The following C6orf58 variants were observed in gnomAD, a reference collection of about 807,000 sequenced individuals.
C6orf58 encodes protein LEG1 homolog.
C6orf58 carries 30 observed loss-of-function variants against 37.0 expected under a neutral mutation model. The ratio of observed to expected loss-of-function variants is 0.81; its 90% CI spans 0.61 to 1.10. The LOEUF is 1.10. Ranked by LOEUF, C6orf58 falls within the 50% of genes least tolerant of loss-of-function variation. The pLI is 0.00. For missense variants in C6orf58, 368 were observed against 387.5 expected (o/e 0.95, Z 0.42); for synonymous variants, 143 against 134.1 (o/e 1.07, Z -0.46).
chr6:127,578,011 C>T (rs1337463878), intron 1 of C6orf58, among the ~76,000 whole-genome samples: 1 of 152,058 alleles, frequency 6.6e-6, no homozygotes, highest in Non-Finnish European at 1.5e-5. Context: ...ATAAAATATA[C>T]ATGAATTGAA....
At chr6:127,580,123 TG>T in intron 2 of C6orf58, 141 bp from the exon 3 acceptor site, 1 of 575,402 alleles carries the variant, frequency 1.7e-6, no homozygotes, top group Non-Finnish European at 3.0e-6. Context: ...GGGGGATTTT[TG>T]TTCAATATTT....
Position 127,591,558 on chromosome 6 carries a change from A to G in C6orf58, c.929A>G (p.Glu310Gly). The G allele has an allele frequency of 6.6e-7, 1 of 1,522,574 alleles. No homozygotes were observed. The highest frequency in any genetic ancestry group is 8.7e-7 in the Non-Finnish European group (1 of 1,143,850). The allele number at this position is 1,522,574 out of a possible 1,614,324, so 94.3% of individuals were successfully genotyped here. A position where few individuals can be genotyped will look rare whatever the true frequency, so the allele number is the denominator to read the frequency against. ...TCTTTTACAGGTTATCTTTGTACAG[A>G]AAAATCTAATGTATATAGAGATCAT... is the stretch of plus-strand genomic sequence containing the variant. ...VDKSIGYLCTEKSNVYRDHSE... is the reference protein window; with the variant it reads ...VDKSIGYLCTGKSNVYRDHSE... The change falls in exon 6 of 6, where the codon GAA becomes GGA. Residue 310 changes from glutamate to glycine, a missense_variant. Physicochemically the swap from Glu to Gly is moderately conservative, Grantham distance 98. Coordinates refer to ENST00000329722, the MANE Select transcript of C6orf58 (RefSeq NM_001010905.3).
At chr6:127,579,201 A>T (rs1358185731) in intron 2 of C6orf58, among the ~76,000 whole-genome samples, 1 of 152,142 alleles carries the variant, frequency 6.6e-6, no homozygotes, top group Admixed American at 6.6e-5. Context: ...TACCTACTGC[A>T]ATTCATTATA....
chr6:127,579,036 C>T (rs1382940144), intron 2 of C6orf58, among the ~76,000 whole-genome samples: 1 of 152,048 alleles, frequency 6.6e-6, no homozygotes, highest in African/African-American at 2.4e-5. Context: ...TCTGAGGGGC[C>T]AGCTCTGGTA....
chr6:127,591,542 G>T lies in C6orf58; in HGVS notation c.914-1G>T, dbSNP rs754408555. 1 of 1,519,250 alleles carries T rather than the reference G, an allele frequency of 6.6e-7. No individual in the cohort carries two copies. The highest frequency in any genetic ancestry group is 8.8e-7 in the Non-Finnish European group (1 of 1,142,200). The allele number at this position is 1,519,250 out of a possible 1,614,324, so 94.1% of individuals were successfully genotyped here. A position where few individuals can be genotyped will look rare whatever the true frequency, so the allele number is the denominator to read the frequency against. On this transcript the variant is annotated splice_acceptor_variant, in intron 5 of 5. Transcript: ENST00000329722. LOFTEE classifies it high-confidence loss of function. The stretch of plus-strand genomic sequence containing the variant: ...ATGTAATCATTTTGTATCTTTTACA[G>T]GTTATCTTTGTACAGAAAAATCTAA...
intron 2 of C6orf58, 30 bp from the exon 3 acceptor site, chr6:127,580,235 G>A: frequency 6.5e-7 from 1 of 1,536,178 alleles, no homozygotes; most frequent in Non-Finnish European, 9.0e-7. Context: ...GTTAGTGCTT[G>A]TAGTAATAGT....
intron 4 of C6orf58, among the ~76,000 whole-genome samples, chr6:127,589,260 A>G (rs1775136459): frequency 6.6e-6 from 1 of 152,182 alleles, no homozygotes; most frequent in African/African-American, 2.4e-5. Flanking sequence ...AATGCCCTTC[A>G]CCTTTGTGAA....
At chr6:127,590,437 T>C (rs1337978187) in intron 5 of C6orf58, 112 bp downstream of exon 5, 2 of 705,604 alleles carry the variant, frequency 2.8e-6, no homozygotes, top group Non-Finnish European at 4.8e-6. Flanking sequence ...AAAATAAAGA[T>C]TTCCCTGTGG....
Position 127,590,250 on chromosome 6 carries a change from A to T in C6orf58, c.838A>T (p.Ile280Phe), listed in dbSNP as rs1487258418. 1 of 1,613,758 alleles carries T rather than the reference A, an allele frequency of 6.2e-7. No homozygotes were observed. Among genetic ancestry groups the T allele is most frequent in the Non-Finnish European group, 8.5e-7 (1 of 1,179,844 alleles). The change falls in exon 5 of 6, where the codon ATC becomes TTC. Residue 280 changes from isoleucine (I) to phenylalanine (F), a missense_variant. By Grantham distance (21) the Ile-to-Phe change is conservative. Coordinates refer to ENST00000329722, the MANE Select transcript of C6orf58 (RefSeq NM_001010905.3). Reference sequence around the variant, plus strand: ...TCTTAATACTGATGTAGCCCCTTTCATCAGTGACTTTACTGCTTTTCAGAA... The same window carrying T: ...TCTTAATACTGATGTAGCCCCTTTCTTCAGTGACTTTACTGCTTTTCAGAA... ...ILLNTDVAPF[I>F]SDFTAFQNVV...
chr6:127,583,345 A>T (rs116243119), intron 4 of C6orf58, among the ~76,000 whole-genome samples: 2,693 of 152,328 alleles, frequency 0.018, 95 homozygotes, highest in African/African-American at 0.061. Flanking sequence ...TGCAGAAGTA[A>T]TTGAGTATGA....
intron 2 of C6orf58, among the ~76,000 whole-genome samples, chr6:127,579,829 A>T (rs996971894): frequency 4.6e-5 from 7 of 152,136 alleles, no homozygotes; most frequent in African/African-American, 1.7e-4. Flanking sequence ...TATAAAATAG[A>T]AAACATTCAT....
At chr6:127,585,592 A>G (rs936308272) in intron 4 of C6orf58, among the ~76,000 whole-genome samples, 1 of 152,232 alleles carries the variant, frequency 6.6e-6, no homozygotes, top group Admixed American at 6.5e-5. Flanking sequence ...TTGTAGGACA[A>G]TTACTTCAAG....
At chr6:127,584,014 T>C (rs149046669) in intron 4 of C6orf58, among the ~76,000 whole-genome samples, 18 of 152,358 alleles carry the variant, frequency 1.2e-4, no homozygotes, top group African/African-American at 4.3e-4. Flanking sequence ...CTTTTTCTAA[T>C]GCCATTTTGT....
rs767547213 is a variant in C6orf58 at position 127,580,358 on chromosome 6, C to T, written c.482C>T (p.Pro161Leu). The T allele has an allele frequency of 2.5e-6, 4 of 1,612,858 alleles. No homozygotes were observed. Among genetic ancestry groups the T allele is most frequent in the Non-Finnish European group, 3.4e-6 (4 of 1,179,234 alleles). ...ISSDQVRLLP[P>L]PKNERKFCYD... ...TCAGACCAAGTCAGGCTTTTGCCCC[C>T]ACCCAAGAATGAGAGGAAGTTTTGT... The change falls in exon 3 of 6, where the codon CCA becomes CTA. Residue 161 changes from proline to leucine, a missense_variant. Coordinates refer to ENST00000329722, the MANE Select transcript of C6orf58 (RefSeq NM_001010905.3).
At position 127,577,456 on chromosome 6, in the gene C6orf58, C is replaced by T. The variant is rs1328577928; in HGVS notation, c.271C>T (p.Pro91Ser). 1.2e-6 allele frequency: 2 copies of T among 1,613,516 alleles called. No individual in the cohort carries two copies. Among genetic ancestry groups the T allele is most frequent in the Admixed American group, 1.7e-5 (1 of 59,962 alleles). Residue 91 changes from proline (P) to serine (S), a missense_variant, in exon 1 of 6, where the codon CCT (proline) becomes TCT (serine). By Grantham distance (74) the Pro-to-Ser change is moderately conservative (BLOSUM62 -1). Coordinates refer to ENST00000329722, the MANE Select transcript of C6orf58 (RefSeq NM_001010905.3). ...TGAACAGAATATTTTATGGGGGTTG[C>T]CTCTGCAGTATGGCTGGCAATATAG... ...DNEQNILWGL[P>S]LQYGWQYRTG...
At chr6:127,578,608 TC>T (rs1271277623) in intron 1 of C6orf58, 77 bp from the exon 2 acceptor site, 3 of 902,594 alleles carry the variant, frequency 3.3e-6, no homozygotes, top group Non-Finnish European at 5.3e-6. Flanking sequence ...ACAAACAAAA[TC>T]TATGTGGTTA....
At position 127,580,466 on chromosome 6, in the gene C6orf58, C is replaced by G. The variant is rs1245056925; in HGVS notation, c.573+17C>G. ...TTTTACCAGGTTCCTTCTTTATACT[C>G]TTACGAGATAGGAAGAGAGTTTATT... On this transcript the variant is annotated intron_variant, in intron 3 of 5. Coordinates refer to ENST00000329722, the MANE Select transcript of C6orf58 (RefSeq NM_001010905.3). The G allele has an allele frequency of 3.2e-6, 5 of 1,579,656 alleles. No homozygotes were observed. In the East Asian group the frequency reaches 6.7e-5, roughly 21 times the overall value.
At chr6:127,588,583 T>C (rs1775129438) in intron 4 of C6orf58, among the ~76,000 whole-genome samples, 1 of 152,218 alleles carries the variant, frequency 6.6e-6, no homozygotes, top group Non-Finnish European at 1.5e-5. Flanking sequence ...TATGTATGCC[T>C]GTGTTTCAAC....
intron 3 of C6orf58, 125 bp from the exon 4 acceptor site, chr6:127,581,057 T>C (rs1206503005): frequency 2.4e-6 from 1 of 414,044 alleles, no homozygotes; most frequent in Non-Finnish European, 4.3e-6. Flanking sequence ...TACATACTTT[T>C]TCTTAGAAAT....
Sources: gnomAD v4.1 joint callset for allele counts (sites outside exome capture counted in the v4.1 genomes callset) on GRCh38, gnomAD v4.1.1 for gene constraint, MANE v1.5 for transcripts, NCBI Gene and HGNC (gene_info 2026-07-23, HGNC 2026-07-21) for gene names.